The following CACNA1A variants were observed in gnomAD, a reference collection of about 807,000 sequenced individuals.
CACNA1A encodes the protein calcium voltage-gated channel subunit alpha1 A.
A neutral mutation model predicts 262.4 loss-of-function variants in CACNA1A; 57 were observed. The observed-to-expected ratio is 0.22, with a 90% CI of 0.18 to 0.27. The LOEUF (loss-of-function observed/expected upper bound fraction) is 0.27. CACNA1A is among the 10% of genes least tolerant of loss of function. The pLI is 1.00. For synonymous variants in CACNA1A, 1,431 were observed against 1,419.3 expected (o/e 1.01, Z -0.18); for missense variants, 2,526 against 3,562.8 (o/e 0.71, Z 7.41).
intron 6 of CACNA1A, among the ~76,000 whole-genome samples, chr19:13,358,336 C>T (rs568686646): frequency 1.3e-5 from 2 of 152,182 alleles, no homozygotes; most frequent in African/African-American, 2.4e-5. Flanking sequence ...GAGGCAGAGG[C>T]GGGAGGATTG....
chr19:13,251,355 C>G (rs1012291334), intron 30 of CACNA1A, among the ~76,000 whole-genome samples: 1 of 151,830 alleles, frequency 6.6e-6, no homozygotes, highest in Non-Finnish European at 1.5e-5. Context: ...TGGTGGCAGG[C>G]ACCTGTAGTC....
In CACNA1A at chr19:13,506,286, C is replaced by CGCCGCCGCCGCCGCT. The variant is rs1371902828; in HGVS notation, c.-77_-63dup. On this transcript the variant is annotated 5_prime_UTR_variant, in exon 1 of 47. Coordinates refer to ENST00000360228, the MANE Select transcript of CACNA1A (RefSeq NM_001127222.2). ...CGAACGATGCGGAAGACGCCGCCGC[C>CGCCGCCGCCGCCGCT]GCCGCCGCCGCCGCTGATGCTGAGG... is the stretch of plus-strand genomic sequence containing the variant. The CGCCGCCGCCGCCGCT allele has an allele frequency of 3.0e-6, 4 of 1,343,468 alleles. No individual in the cohort carries two copies. Among genetic ancestry groups the CGCCGCCGCCGCCGCT allele is most frequent in the Non-Finnish European group, 3.8e-6 (4 of 1,044,294 alleles). 83.2% of individuals were successfully genotyped at this position (1,343,468 alleles called of 1,614,324 possible).
chr19:13,348,651 C>T (rs2058840855), intron 6 of CACNA1A, among the ~76,000 whole-genome samples: 1 of 152,228 alleles, frequency 6.6e-6, no homozygotes, highest in African/African-American at 2.4e-5. Flanking sequence ...TCCTGGCCAA[C>T]ATGGTGAAAC....
intron 46 of CACNA1A, 66 bp from the exon 47 acceptor site, chr19:13,208,119 A>T: frequency 2.2e-6 from 2 of 920,592 alleles, no homozygotes; most frequent in Non-Finnish European, 1.3e-6. Context: ...GAGACACGGG[A>T]TTGGGAGGAA....
intron 3 of CACNA1A, among the ~76,000 whole-genome samples, chr19:13,420,848 A>G (rs1429762297): frequency 6.6e-6 from 1 of 152,134 alleles, no homozygotes; most frequent in Non-Finnish European, 1.5e-5. Context: ...CTGTTTGACA[A>G]TTTGATTCAA....
intron 1 of CACNA1A, among the ~76,000 whole-genome samples, chr19:13,465,872 G>A (rs2061225209): frequency 6.6e-6 from 1 of 152,148 alleles, no homozygotes; most frequent in Non-Finnish European, 1.5e-5. Context: ...TCTGAGGAAG[G>A]CATATCACAC....
At chr19:13,238,346 C>G (rs747078641) in intron 31 of CACNA1A, among the ~76,000 whole-genome samples, 1 of 152,098 alleles carries the variant, frequency 6.6e-6, no homozygotes, top group Non-Finnish European at 1.5e-5. Context: ...TCCTTGTGGT[C>G]TTTTCTTTTC....
intron 3 of CACNA1A, among the ~76,000 whole-genome samples, chr19:13,402,821 C>CACACATATATATACATATATAT (rs1253431340): frequency 7.5e-6 from 1 of 133,822 alleles, no homozygotes; most frequent in African/African-American, 2.8e-5. Context: ...TACATATATA[C>CACACATATATATACATATATAT]ACACATATAT....
chr19:13,219,944 C>T (rs1435000008), intron 38 of CACNA1A, among the ~76,000 whole-genome samples: 3 of 81,998 alleles, frequency 3.7e-5, no homozygotes, highest in African/African-American at 1.7e-4. Context: ...AACAAGACTC[C>T]GTTTCAAAAA....
At chr19:13,209,146 G>A (rs967352309) in intron 45 of CACNA1A, 137 bp from the exon 46 acceptor site, 7 of 1,367,382 alleles carry the variant, frequency 5.1e-6, no homozygotes, top group Non-Finnish European at 6.9e-6. Context: ...TGGGTTGGGG[G>A]GAGGGGGTAG....
Position 13,275,830 on chromosome 19 carries a change from A to T in CACNA1A, c.3989+20T>A. 1 of 1,507,594 alleles carries T rather than the reference A, an allele frequency of 6.6e-7. No homozygotes were observed. Among genetic ancestry groups the T allele is most frequent in the Non-Finnish European group, 9.2e-7 (1 of 1,083,102 alleles). 93.4% of individuals were successfully genotyped at this position (1,507,594 alleles called of 1,614,324 possible). On this transcript the variant is annotated intron_variant, in intron 24 of 46. Coordinates refer to ENST00000360228, the MANE Select transcript of CACNA1A (RefSeq NM_001127222.2). ...GGTTGGGGGAAAAGAGGCAAGAGGAACCCTTGCGAGGAGACTTACGTGAAG... is the reference window on the plus strand; with the variant it reads ...GGTTGGGGGAAAAGAGGCAAGAGGATCCCTTGCGAGGAGACTTACGTGAAG...
At chr19:13,396,449 A>G (rs2059812876) in intron 3 of CACNA1A, among the ~76,000 whole-genome samples, 1 of 152,152 alleles carries the variant, frequency 6.6e-6, no homozygotes, top group South Asian at 2.1e-4. Context: ...AGGTTACACC[A>G]CAGCTGCGCC....
At chr19:13,504,598 C>T (rs1456549372) in intron 1 of CACNA1A, among the ~76,000 whole-genome samples, 1 of 152,112 alleles carries the variant, frequency 6.6e-6, no homozygotes, top group Non-Finnish European at 1.5e-5. Flanking sequence ...ACTGCAAAAC[C>T]ACATACAAAA....
intron 24 of CACNA1A, chr19:13,273,090 G>A (rs2057064213): frequency 6.6e-6 from 1 of 152,078 alleles, no homozygotes; most frequent in Non-Finnish European, 1.5e-5. Context: ...TTACCCACCT[G>A]AGTAGCTGGG....
At chr19:13,395,109 A>C (rs777701099) in intron 3 of CACNA1A, among the ~76,000 whole-genome samples, 3 of 151,178 alleles carry the variant, frequency 2.0e-5, no homozygotes, top group Non-Finnish European at 4.4e-5. Context: ...CACTGTCTCT[A>C]CTAAAAATAC....
chr19:13,350,996 A>C (rs1044220676), intron 6 of CACNA1A, among the ~76,000 whole-genome samples: 3 of 152,184 alleles, frequency 2.0e-5, no homozygotes, highest in Admixed American at 1.3e-4. Flanking sequence ...GCAAAACCCC[A>C]AAAAACTGGG....
At chr19:13,413,893 GAAAAAGAAAGAA>G (rs1289612282) in intron 3 of CACNA1A, among the ~76,000 whole-genome samples, 1 of 48,462 alleles carries the variant, frequency 2.1e-5, no homozygotes, top group Non-Finnish European at 3.6e-5. Flanking sequence ...AAGAAAGAAA[GAAAAAGAAAGAA>G]AGAAAGAAAG....
intron 5 of CACNA1A, among the ~76,000 whole-genome samples, chr19:13,361,515 T>A (rs780739567): frequency 1.3e-5 from 2 of 152,098 alleles, no homozygotes; most frequent in African/African-American, 4.8e-5. Flanking sequence ...AACAGCTGAG[T>A]GTGTGTAAAC....
At chr19:13,421,394 C>T (rs2060313167) in intron 3 of CACNA1A, among the ~76,000 whole-genome samples, 1 of 151,904 alleles carries the variant, frequency 6.6e-6, no homozygotes, top group South Asian at 2.1e-4. Flanking sequence ...TGGGTAGGGC[C>T]CTGCTCTCAT....
Sources: allele counts gnomAD v4.1 joint callset (sites outside exome capture counted in the v4.1 genomes callset), GRCh38; gene constraint gnomAD v4.1.1; transcripts MANE v1.5; gene names NCBI Gene and HGNC (gene_info 2026-07-23, HGNC 2026-07-21).